Variants in NRXN3 observed in about 807,000 individuals in gnomAD.
NRXN3 encodes neurexin III.
In NRXN3, 32 loss-of-function variants were observed where a neutral mutation model predicts 137.6. That is an observed-to-expected ratio of 0.23 (90% CI 0.18 to 0.31). The LOEUF is 0.31. Among genes scored for constraint, NRXN3 ranks in the 10% least tolerant of loss-of-function variants. The probability of loss-of-function intolerance (pLI) is 1.00; values close to 1 mark genes in which losing one functional copy is unlikely to be tolerated. For missense variants in NRXN3, 1,574 were observed against 2,062.5 expected (o/e 0.76, Z 4.59); for synonymous variants, 798 against 784.5 (o/e 1.02, Z -0.29).
At chr14:79,171,058 C>T (rs1307997337) in intron 15 of NRXN3, among the ~76,000 whole-genome samples, 4 of 151,972 alleles carry the variant, frequency 2.6e-5, no homozygotes, top group Non-Finnish European at 5.9e-5. Flanking sequence ...TCACTTAGGG[C>T]CCAATTAGTA....
chr14:78,737,627 G>A (rs1282146197), intron 8 of NRXN3, among the ~76,000 whole-genome samples: 2 of 152,146 alleles, frequency 1.3e-5, no homozygotes, highest in African/African-American at 4.8e-5. Context: ...AAAAAAGGGG[G>A]GGAGGGGTAG....
chr14:78,965,922 A>G (rs31417), intron 11 of NRXN3, 103 bp from the exon 12 acceptor site: 186,507 of 1,307,076 alleles, frequency 0.14, 25,846 homozygotes, highest in African/African-American at 0.65. Flanking sequence ...AAGAAAGCTG[A>G]ATATTCTGTG....
At chr14:78,808,436 G>A (rs780502127) in intron 9 of NRXN3, among the ~76,000 whole-genome samples, 1 of 152,172 alleles carries the variant, frequency 6.6e-6, no homozygotes, top group African/African-American at 2.4e-5. Flanking sequence ...TCATAAGCGT[G>A]CCCATACACC....
At chr14:79,456,005 T>C (rs1001457854) in intron 15 of NRXN3, among the ~76,000 whole-genome samples, 27 of 152,250 alleles carry the variant, frequency 1.8e-4, no homozygotes, top group African/African-American at 6.3e-4. Flanking sequence ...TAAAGCTTTA[T>C]CTGAAGTTTA....
intron 15 of NRXN3, among the ~76,000 whole-genome samples, chr14:79,183,434 G>T (rs1170094981): frequency 1.3e-5 from 2 of 152,158 alleles, no homozygotes; most frequent in African/African-American, 2.4e-5. Flanking sequence ...TAAGATGGTT[G>T]AAAAGAAGGA....
intron 4 of NRXN3, among the ~76,000 whole-genome samples, chr14:78,314,513 G>A (rs1259991084): frequency 6.6e-6 from 1 of 152,160 alleles, no homozygotes. Flanking sequence ...GGCAGAGGAG[G>A]AGAGAGCGAG....
intron 15 of NRXN3, among the ~76,000 whole-genome samples, chr14:79,389,693 C>T (rs182460608): frequency 1.3e-5 from 2 of 152,206 alleles, no homozygotes; most frequent in South Asian, 2.1e-4. Flanking sequence ...GTTATGAAAA[C>T]CTGTGGCTTT....
chr14:78,725,845 C>T (rs941145822), intron 8 of NRXN3, among the ~76,000 whole-genome samples: 3 of 152,206 alleles, frequency 2.0e-5, no homozygotes, highest in South Asian at 2.1e-4. Context: ...CTCTTATCTA[C>T]ATATGATGTA....
chr14:78,355,744 C>T (rs761124013), intron 4 of NRXN3, among the ~76,000 whole-genome samples: 4 of 152,184 alleles, frequency 2.6e-5, no homozygotes, highest in African/African-American at 4.8e-5. Flanking sequence ...ATACGCTGTT[C>T]CCTCTACCTA....
chr14:78,847,218 G>C (rs181627428), intron 10 of NRXN3, among the ~76,000 whole-genome samples: 4 of 152,098 alleles, frequency 2.6e-5, no homozygotes, highest in Admixed American at 2.6e-4. Context: ...ACACATTTAC[G>C]GTTAATGACC....
At position 78,651,278 on chromosome 14, in the gene NRXN3, C is replaced by A; in HGVS notation, c.1173C>A (p.Asp391Glu). The A allele has an allele frequency of 6.2e-7, 1 of 1,614,112 alleles. No homozygotes were observed. Among genetic ancestry groups the A allele is most frequent in the Non-Finnish European group, 8.5e-7 (1 of 1,179,972 alleles). Residue 391 changes from aspartate to glutamate, a missense_variant, in exon 6 of 21, where the codon GAC (aspartate) becomes GAA (glutamate). Asp to Glu is a conservative substitution (Grantham distance 45, BLOSUM62 2). Transcript: ENST00000335750. ...TAGGAGGAAGCCCAAGTACCGCTGACTTGCCTGGCTCCCCTGTCAGCAACA... is the reference window on the plus strand; with the variant it reads ...TAGGAGGAAGCCCAAGTACCGCTGAATTGCCTGGCTCCCCTGTCAGCAACA... ...FYVGGSPSTA[D>E]LPGSPVSNNF... is the part of the protein sequence containing the mutation.
At chr14:78,650,547 G>C (rs891742860) in intron 5 of NRXN3, among the ~76,000 whole-genome samples, 1 of 151,922 alleles carries the variant, frequency 6.6e-6, no homozygotes, top group African/African-American at 2.4e-5. Flanking sequence ...GGTAGGGATT[G>C]GTGTCCTGGG....
chr14:78,217,604 ATGGTATTGTATTG>A (rs1486313171), intron 1 of NRXN3, among the ~76,000 whole-genome samples: 4 of 152,194 alleles, frequency 2.6e-5, no homozygotes, highest in Non-Finnish European at 5.9e-5. Flanking sequence ...ACAAGTCTGA[ATGGTATTGTATTG>A]TGGTATTGTA....
At chr14:79,565,236 T>TATATGTGTGTGTATATATAC (rs1171608595) in intron 16 of NRXN3, among the ~76,000 whole-genome samples, 3 of 107,586 alleles carry the variant, frequency 2.8e-5, no homozygotes, top group East Asian at 5.0e-4. Flanking sequence ...TATATATACA[T>TATATGTGTGTGTATATATAC]ATATGTGTGT....
intron 16 of NRXN3, among the ~76,000 whole-genome samples, chr14:79,526,991 C>T (rs60604346): frequency 0.067 from 10,145 of 152,086 alleles, 765 homozygotes; most frequent in African/African-American, 0.18. Context: ...GTAGTAGTAA[C>T]AAGAATAACT....
intron 15 of NRXN3, among the ~76,000 whole-genome samples, chr14:79,231,522 GTGCTCA>G (rs2072199805): frequency 6.6e-6 from 1 of 152,128 alleles, no homozygotes; most frequent in Non-Finnish European, 1.5e-5. Flanking sequence ...GGATAATTTG[GTGCTCA>G]TCTGTCAGAT....
At chr14:78,553,940 A>C (rs1402320335) in intron 4 of NRXN3, among the ~76,000 whole-genome samples, 1 of 152,198 alleles carries the variant, frequency 6.6e-6, no homozygotes, top group Non-Finnish European at 1.5e-5. Context: ...GTTGGAAAGA[A>C]AAGGGAAAAG....
intron 19 of NRXN3, among the ~76,000 whole-genome samples, chr14:79,782,443 A>G (rs1568234644): frequency 6.6e-6 from 1 of 152,208 alleles, no homozygotes; most frequent in Non-Finnish European, 1.5e-5. Flanking sequence ...TTCTGAGAGT[A>G]AAACACGCAT....
chr14:78,597,322 T>C (rs1566847773), intron 4 of NRXN3, among the ~76,000 whole-genome samples: 1 of 152,212 alleles, frequency 6.6e-6, no homozygotes, highest in Admixed American at 6.5e-5. Context: ...AGAGAAAATA[T>C]TTTCGTTCTA....
Sources: gnomAD v4.1 joint callset for allele counts (sites outside exome capture counted in the v4.1 genomes callset) on GRCh38, gnomAD v4.1.1 for gene constraint, MANE v1.5 for transcripts, NCBI Gene and HGNC (gene_info 2026-07-23, HGNC 2026-07-21) for gene names.